The following HIVEP3 variants were observed in gnomAD, a reference collection of about 807,000 sequenced individuals.
HIVEP3 encodes the protein transcription factor HIVEP3.
A neutral mutation model predicts 152.8 loss-of-function variants in HIVEP3; 49 were observed. The observed-to-expected ratio is 0.32, with a 90% CI of 0.26 to 0.41. HIVEP3 has a LOEUF of 0.41. Among genes scored for constraint, HIVEP3 ranks in the 10% least tolerant of loss-of-function variants. HIVEP3 has a pLI of 1.00. For synonymous variants in HIVEP3, 1,269 were observed against 1,289.0 expected (o/e 0.98, Z 0.33); for missense variants, 2,790 against 3,103.3 (o/e 0.90, Z 2.40).
intron 1 of HIVEP3, among the ~76,000 whole-genome samples, chr1:41,795,794 C>T (rs1383000717): frequency 6.6e-6 from 1 of 152,174 alleles, no homozygotes; most frequent in Non-Finnish European, 1.5e-5. Flanking sequence ...TTCAGACATC[C>T]TACCATCTTT....
intron 1 of HIVEP3, among the ~76,000 whole-genome samples, chr1:41,980,772 C>T (rs974922782): frequency 6.6e-6 from 1 of 152,142 alleles, no homozygotes; most frequent in East Asian, 1.9e-4. Flanking sequence ...CTGTTTGATT[C>T]AGTATAACCA....
intron 1 of HIVEP3, among the ~76,000 whole-genome samples, chr1:41,796,229 A>G (rs916629087): frequency 4.6e-5 from 7 of 152,224 alleles, no homozygotes; most frequent in African/African-American, 1.7e-4. Context: ...ACTGTCTGGA[A>G]TCTCCATTTC....
At chr1:41,815,024 G>GTAAA (rs768983203) in intron 1 of HIVEP3, among the ~76,000 whole-genome samples, 2 of 152,320 alleles carry the variant, frequency 1.3e-5, no homozygotes, top group South Asian at 2.1e-4. Context: ...CAGTAAATAA[G>GTAAA]TAAATAAATA....
intron 1 of HIVEP3, among the ~76,000 whole-genome samples, chr1:42,012,849 T>C (rs1419475291): frequency 1.3e-5 from 2 of 152,190 alleles, no homozygotes; most frequent in African/African-American, 2.4e-5. Context: ...TTCCAAACTA[T>C]GAGAAAGAAA....
chr1:41,846,958 A>ATGGGTAT (rs1643461288), intron 1 of HIVEP3, among the ~76,000 whole-genome samples: 1 of 152,220 alleles, frequency 6.6e-6, no homozygotes, highest in Non-Finnish European at 1.5e-5. Flanking sequence ...GTCATCATTC[A>ATGGGTAT]TGGGTATTCC....
intron 3 of HIVEP3, among the ~76,000 whole-genome samples, chr1:41,603,622 A>T (rs1644777391): frequency 6.6e-6 from 1 of 152,176 alleles, no homozygotes; most frequent in Non-Finnish European, 1.5e-5. Flanking sequence ...GGCCTCCCAA[A>T]GTGCTGGGAT....
intron 1 of HIVEP3, among the ~76,000 whole-genome samples, chr1:41,926,814 G>A (rs900992172): frequency 1.3e-4 from 20 of 152,232 alleles, no homozygotes; most frequent in African/African-American, 4.6e-4. Context: ...TTGAGGTTGT[G>A]TATCAAAAAC....
intron 3 of HIVEP3, among the ~76,000 whole-genome samples, chr1:41,589,278 T>C (rs1644551580): frequency 1.3e-5 from 2 of 152,178 alleles, no homozygotes; most frequent in Non-Finnish European, 1.5e-5. Flanking sequence ...ATGAGGCCAG[T>C]GAGAGCTCTC....
chr1:41,674,148 C>G (rs548581361), intron 2 of HIVEP3, among the ~76,000 whole-genome samples: 2 of 152,218 alleles, frequency 1.3e-5, no homozygotes, highest in South Asian at 4.1e-4. Flanking sequence ...ACATAATCCC[C>G]GTGTCGGGAA....
At chr1:42,015,287 T>C (rs998150500) in intron 1 of HIVEP3, among the ~76,000 whole-genome samples, 1 of 152,178 alleles carries the variant, frequency 6.6e-6, no homozygotes, top group African/African-American at 2.4e-5. Flanking sequence ...AGAGACTAAT[T>C]CCATGCAATT....
chr1:41,811,949 C>T (rs1247049480), intron 1 of HIVEP3, among the ~76,000 whole-genome samples: 1 of 152,010 alleles, frequency 6.6e-6, no homozygotes, highest in African/African-American at 2.4e-5. Context: ...AGAGAAGCCC[C>T]CGAGTGCCCA....
chr1:41,520,576 G>A (rs1389393405), intron 6 of HIVEP3, among the ~76,000 whole-genome samples: 2 of 152,282 alleles, frequency 1.3e-5, no homozygotes, highest in Non-Finnish European at 2.9e-5. Context: ...TAAGGTCGTG[G>A]AGCCAGGCCC....
Position 41,511,221 on chromosome 1 carries a change from G to A in HIVEP3, c.6451C>T (p.His2151Tyr), listed in dbSNP as rs1361916001. The part of the protein sequence containing the change: ...RSPSCSPGPA[H>Y]PLSSRPFSAL... ...GAGAAGGGTCGGGAGGAGAGAGGAT[G>A]AGCAGGGCCGGGTGAGCAGGAGGGA... The change falls in exon 9 of 9, where the codon CAT becomes TAT. Residue 2151 changes from histidine (H) to tyrosine (Y), a missense_variant. Coordinates refer to ENST00000372583, the MANE Select transcript of HIVEP3 (RefSeq NM_024503.5). This position sits in a 1 kb window ranked among gnomAD's most constrained non-coding sequence, Gnocchi z 4.9. 6.2e-7 allele frequency: 1 copy of A among 1,613,354 alleles called. No individual in the cohort carries two copies. The highest frequency in any genetic ancestry group is 8.5e-7 in the Non-Finnish European group (1 of 1,179,690).
At chr1:41,909,394 GC>G in intron 1 of HIVEP3, among the ~76,000 whole-genome samples, 1 of 152,156 alleles carries the variant, frequency 6.6e-6, no homozygotes, top group South Asian at 2.1e-4. Context: ...AACAAGTTTT[GC>G]TTAATTATAA....
chr1:41,632,838 T>C (rs1464401882), intron 2 of HIVEP3, among the ~76,000 whole-genome samples: 1 of 151,678 alleles, frequency 6.6e-6, no homozygotes, highest in African/African-American at 2.4e-5. Context: ...GAAAATTGCA[T>C]GGTGTCCACA....
chr1:41,617,764 C>A (rs1260218081), intron 3 of HIVEP3, among the ~76,000 whole-genome samples: 1 of 152,230 alleles, frequency 6.6e-6, no homozygotes, highest in Non-Finnish European at 1.5e-5. Context: ...GAAAGAGACC[C>A]TTTGTGAGAT....
At chr1:41,985,316 T>A (rs957867225) in intron 1 of HIVEP3, among the ~76,000 whole-genome samples, 3 of 152,232 alleles carry the variant, frequency 2.0e-5, no homozygotes, top group African/African-American at 7.2e-5. Flanking sequence ...CTACTCTTAG[T>A]TCAGGCTGCT....
At chr1:41,638,374 GGA>G (rs1553241238) in intron 2 of HIVEP3, among the ~76,000 whole-genome samples, 7 of 118,268 alleles carry the variant, frequency 5.9e-5, no homozygotes, top group South Asian at 5.1e-4. Flanking sequence ...AGAAAGAAAG[GGA>G]GAGAGAGAGA....
chr1:41,513,546 G>T lies in HIVEP3; in HGVS notation c.5675C>A (p.Ala1892Glu), dbSNP rs779940309. The part of the protein sequence containing the change: ...PPPGPPHALR[A>E]DSSPILGPQP... ...AGGGCCCAGGATGGGTGAGGAGTCT[G>T]CCCGCAGTGCATGTGGTGGGCCAGG... Residue 1892 changes from alanine to glutamate, a missense_variant, in exon 8 of 9, where the codon GCA becomes GAA. Around this residue, in one of 9 missense-constraint regions of HIVEP3, gnomAD observed 816 missense variants for 806.5 expected, o/e 1.01. Transcript: ENST00000372583. The T allele has an allele frequency of 6.2e-7, 1 of 1,609,734 alleles. No individual in the cohort carries two copies. Among genetic ancestry groups the T allele is most frequent in the Non-Finnish European group, 8.5e-7 (1 of 1,178,516 alleles).
Sources: allele counts gnomAD v4.1 joint callset (sites outside exome capture counted in the v4.1 genomes callset), GRCh38; gene constraint gnomAD v4.1.1; regional missense constraint gnomAD v4.1.1; non-coding constraint Gnocchi (gnomAD v3.1); transcripts MANE v1.5; gene names NCBI Gene and HGNC (gene_info 2026-07-23, HGNC 2026-07-21).